Variants in SLC24A2 observed in about 807,000 individuals in gnomAD.
The protein encoded by SLC24A2 is sodium/potassium/calcium exchanger 2.
SLC24A2 carries 36 observed loss-of-function variants against 62.0 expected under a neutral mutation model. That is an observed-to-expected ratio of 0.58 (90% CI 0.44 to 0.77). SLC24A2 has a LOEUF of 0.77. SLC24A2 is among the 30% of genes least tolerant of loss of function. SLC24A2 has a pLI of 0.00. For synonymous variants in SLC24A2, 358 were observed against 294.0 expected (o/e 1.22, Z -2.23); for missense variants, 846 against 817.9 (o/e 1.03, Z -0.42).
At chr9:19,895,125 G>T in the SLC24A2 span, among the ~76,000 whole-genome samples, 1 of 152,106 alleles carries the variant, frequency 6.6e-6, no homozygotes, top group Non-Finnish European at 1.5e-5. Context: ...AGAGCCACTG[G>T]CACGGTTTGA....
chr9:19,760,956 T>C (rs1205018223), intron 2 of SLC24A2, among the ~76,000 whole-genome samples: 2 of 151,902 alleles, frequency 1.3e-5, no homozygotes, highest in Non-Finnish European at 2.9e-5. Context: ...GAGATACACC[T>C]CACGTAAACG....
chr9:19,597,136 T>C, intron 5 of SLC24A2, 93 bp downstream of exon 5: 2 of 839,516 alleles, frequency 2.4e-6, no homozygotes, highest in African/African-American at 1.7e-5. Context: ...ACTGAAGTCA[T>C]GCAGAGAGGA....
chr9:19,819,584 A>C, the SLC24A2 span, among the ~76,000 whole-genome samples: 10 of 152,176 alleles, frequency 6.6e-5, no homozygotes, highest in African/African-American at 2.2e-4. Context: ...AGATATACAA[A>C]TGGCCAATAA....
At chr9:19,686,514 A>G (rs1283068298) in intron 2 of SLC24A2, among the ~76,000 whole-genome samples, 1 of 152,068 alleles carries the variant, frequency 6.6e-6, no homozygotes, top group East Asian at 1.9e-4. Flanking sequence ...AGTTTCCATA[A>G]TCTCCACGTC....
At chr9:20,040,503 T>C in the SLC24A2 span, among the ~76,000 whole-genome samples, 1 of 152,176 alleles carries the variant, frequency 6.6e-6, no homozygotes, top group Non-Finnish European at 1.5e-5. Context: ...GCTGGCTCTA[T>C]CCCAATGTGC....
the SLC24A2 span, among the ~76,000 whole-genome samples, chr9:20,236,051 A>G: frequency 4.6e-5 from 7 of 152,192 alleles, no homozygotes; most frequent in African/African-American, 7.2e-5. Flanking sequence ...AAATAACTAG[A>G]TATCGCTTTA....
the SLC24A2 span, among the ~76,000 whole-genome samples, chr9:20,088,437 C>T: frequency 6.6e-6 from 1 of 152,292 alleles, no homozygotes; most frequent in East Asian, 1.9e-4. Context: ...GAAGACGTGG[C>T]CAGACTATTT....
chr9:20,091,404 C>T, the SLC24A2 span, among the ~76,000 whole-genome samples: 1 of 152,020 alleles, frequency 6.6e-6, no homozygotes, highest in Admixed American at 6.6e-5. Flanking sequence ...GTCATATAAT[C>T]AGATTTTCCA....
the SLC24A2 span, among the ~76,000 whole-genome samples, chr9:19,963,260 A>G: frequency 6.8e-6 from 1 of 147,630 alleles, no homozygotes; most frequent in Non-Finnish European, 1.5e-5. Flanking sequence ...AAAACCATAA[A>G]AACCCTAGAA....
At chr9:19,724,460 T>C (rs949145734) in intron 2 of SLC24A2, among the ~76,000 whole-genome samples, 4 of 152,218 alleles carry the variant, frequency 2.6e-5, no homozygotes, top group Non-Finnish European at 5.9e-5. Context: ...TTTTGATTTG[T>C]AAAAGATGAA....
chr9:20,036,085 T>C, the SLC24A2 span, among the ~76,000 whole-genome samples: 1 of 152,212 alleles, frequency 6.6e-6, no homozygotes, highest in Non-Finnish European at 1.5e-5. Flanking sequence ...TGATTCTCTC[T>C]GAGCAGAAGT....
chr9:19,626,030 G>C (rs965762084), intron 2 of SLC24A2, among the ~76,000 whole-genome samples: 3 of 152,064 alleles, frequency 2.0e-5, no homozygotes, highest in Non-Finnish European at 4.4e-5. Context: ...TTATTTGATA[G>C]GTGTTTTGAA....
At chr9:20,240,292 G>T in the SLC24A2 span, among the ~76,000 whole-genome samples, 1 of 152,150 alleles carries the variant, frequency 6.6e-6, no homozygotes, top group African/African-American at 2.4e-5. Context: ...GCCTAGATGA[G>T]AACTTAATCC....
At chr9:19,626,159 G>C (rs1235305768) in intron 2 of SLC24A2, among the ~76,000 whole-genome samples, 1 of 152,126 alleles carries the variant, frequency 6.6e-6, no homozygotes, top group Non-Finnish European at 1.5e-5. Flanking sequence ...ATCCTTGAAA[G>C]CGAGAAATGA....
chr9:19,891,931 T>G, the SLC24A2 span, among the ~76,000 whole-genome samples: 1 of 152,192 alleles, frequency 6.6e-6, no homozygotes. Context: ...ATATGAGATT[T>G]GGAGGGACAA....
the SLC24A2 span, among the ~76,000 whole-genome samples, chr9:20,100,194 G>T: frequency 2.0e-5 from 3 of 151,662 alleles, no homozygotes; most frequent in Non-Finnish European, 4.4e-5. Flanking sequence ...GTGTGTGTGT[G>T]TTTTTGTTTG....
the SLC24A2 span, among the ~76,000 whole-genome samples, chr9:20,129,222 G>A: frequency 3.3e-5 from 5 of 152,138 alleles, no homozygotes; most frequent in African/African-American, 1.2e-4. Context: ...TTAGGGAAGT[G>A]CAAATCAAAA....
the SLC24A2 span, among the ~76,000 whole-genome samples, chr9:20,085,840 T>C: frequency 1.3e-5 from 2 of 152,230 alleles, no homozygotes; most frequent in Non-Finnish European, 2.9e-5. Context: ...AAACCTGACT[T>C]GTTCACTACA....
chr9:19,982,854 G>C, the SLC24A2 span, among the ~76,000 whole-genome samples: 4 of 152,156 alleles, frequency 2.6e-5, no homozygotes, highest in African/African-American at 9.7e-5. Flanking sequence ...TTCCAGGAAT[G>C]CAAGAATCAT....
Sources: allele counts gnomAD v4.1 joint callset (sites outside exome capture counted in the v4.1 genomes callset), GRCh38; gene constraint gnomAD v4.1.1; transcripts MANE v1.5; gene names NCBI Gene and HGNC (gene_info 2026-07-23, HGNC 2026-07-21).